The following TFEB variants were observed in gnomAD, a reference collection of about 807,000 sequenced individuals.
The protein encoded by TFEB is transcription factor EB.
A neutral mutation model predicts 48.0 loss-of-function variants in TFEB; 12 were observed. The ratio of observed to expected loss-of-function variants is 0.25; its 90% confidence interval spans 0.16 to 0.40. The LOEUF (loss-of-function observed/expected upper bound fraction) is 0.40, where lower values mean the gene tolerates loss of function less well. Among genes scored for constraint, TFEB ranks in the 10% least tolerant of loss-of-function variants. The pLI is 1.00. For synonymous variants in TFEB, 244 were observed against 261.4 expected, an observed-to-expected ratio of 0.93 and a Z score of 0.64; for missense variants, 509 against 640.3, an observed-to-expected ratio of 0.79 and a Z score of 2.21.
chr6:41,688,762 G>T (rs894407257), intron 4 of TFEB, among the ~76,000 whole-genome samples: 3 of 152,136 alleles, frequency 2.0e-5, no homozygotes, highest in Non-Finnish European at 2.9e-5. Context: ...TGTAGGTTTG[G>T]ACCCAACCAG....
At chr6:41,698,600 C>T (rs775197760) in intron 1 of TFEB, among the ~76,000 whole-genome samples, 3 of 152,318 alleles carry the variant, frequency 2.0e-5, no homozygotes, top group Non-Finnish European at 2.9e-5. Context: ...CCATTGATGA[C>T]GCTCTGCACC....
chr6:41,692,546 A>G (rs1769370472), intron 1 of TFEB, among the ~76,000 whole-genome samples: 1 of 152,192 alleles, frequency 6.6e-6, no homozygotes, highest in Non-Finnish European at 1.5e-5. Flanking sequence ...GTGTGACTTA[A>G]GCCCCCCAGC....
At chr6:41,690,142 T>A (rs1329103575) in intron 3 of TFEB, among the ~76,000 whole-genome samples, 1 of 151,898 alleles carries the variant, frequency 6.6e-6, no homozygotes, top group African/African-American at 2.4e-5. Context: ...TTTCTTTTTT[T>A]TTTTTCGAGA....
chr6:41,700,817 T>C (rs1217774483), intron 1 of TFEB, among the ~76,000 whole-genome samples: 8 of 152,120 alleles, frequency 5.3e-5, no homozygotes, highest in Admixed American at 5.2e-4. Flanking sequence ...TCAGCTCACA[T>C]CCCACAGGAA....
Position 41,688,123 on chromosome 6 carries a change from G to A in TFEB, c.550-95C>T. The A allele has an allele frequency of 3.4e-6, 5 of 1,461,434 alleles. No individual in the cohort carries two copies. The East Asian group carries it at 9.2e-5, about 27-fold the overall frequency. The allele number at this position is 1,461,434 out of a possible 1,614,324, so 90.5% of individuals were successfully genotyped here. A position where few individuals can be genotyped will look rare whatever the true frequency, so the allele number is the denominator to read the frequency against. ...TCATCCCAGGAGCAGTCCTTCCTGGGGACACCTGGAGTGTCAAAATTCACC... is the reference window on the plus strand; with the variant it reads ...TCATCCCAGGAGCAGTCCTTCCTGGAGACACCTGGAGTGTCAAAATTCACC... On this transcript the variant is annotated intron_variant, in intron 4 of 8. Coordinates refer to ENST00000373033, the MANE Select transcript of TFEB (RefSeq NM_001271944.2).
At chr6:41,694,012 T>C (rs1378460994) in intron 1 of TFEB, among the ~76,000 whole-genome samples, 1 of 63,840 alleles carries the variant, frequency 1.6e-5, no homozygotes, top group Non-Finnish European at 3.0e-5. Flanking sequence ...CCCCCCACCC[T>C]TGGGGACAAT....
At chr6:41,712,881 G>C (rs536292810) in intron 1 of TFEB, among the ~76,000 whole-genome samples, 1 of 152,208 alleles carries the variant, frequency 6.6e-6, no homozygotes, top group South Asian at 2.1e-4. Context: ...GGGTGAGCAA[G>C]CACCACCCAC....
chr6:41,723,762 G>A lies in TFEB; in HGVS notation c.-23+11588C>T, dbSNP rs57631105. ...CAATCTCACCCGCCCGGCTCCAGGC[G>A]CCCACAGCGCTCCTTGGTCCTCCCA... On this transcript the variant is annotated intron_variant, in intron 1 of 8. Transcript: ENST00000373033. This position sits in a 1 kb window ranked among gnomAD's most constrained non-coding sequence, Gnocchi z 6.0. 6,193 of 371,112 alleles carry A rather than the reference G, an allele frequency of 0.017. 334 individuals carry two copies. The highest frequency in any genetic ancestry group is 0.12 in the African/African-American group (5,543 of 47,112). The allele number at this position is 371,112 out of a possible 1,614,324, so 23.0% of individuals were successfully genotyped here.
rs562109557 is a variant in TFEB, at chr6:41,684,150, G to A, written c.*449C>T. 91 of 234,036 alleles carry A rather than the reference G, an allele frequency of 3.9e-4. No homozygotes were observed. Among genetic ancestry groups the A allele is most frequent in the Middle Eastern group, 2.6e-3 (2 of 780 alleles). 14.5% of individuals were successfully genotyped at this position (234,036 alleles called of 1,614,324 possible). ...GTGGGAGAGCCGAGGACCAGGCTGC[G>A]GGGTGGACCTCCTGCCATCTGAGTC... is the stretch of plus-strand genomic sequence containing the variant. On this transcript the variant is annotated 3_prime_UTR_variant, in exon 9 of 9. Coordinates refer to ENST00000373033, the MANE Select transcript of TFEB (RefSeq NM_001271944.2).
chr6:41,710,772 C>T (rs1359209917), intron 1 of TFEB, among the ~76,000 whole-genome samples: 1 of 152,086 alleles, frequency 6.6e-6, no homozygotes, highest in African/African-American at 2.4e-5. Context: ...CAATCTGGGC[C>T]CCCAGACCCT....
chr6:41,722,797 A>G (rs1771037699), intron 1 of TFEB, among the ~76,000 whole-genome samples: 1 of 152,212 alleles, frequency 6.6e-6, no homozygotes, highest in South Asian at 2.1e-4. Flanking sequence ...GCACACAAAC[A>G]TGCTATGTCC....
intron 1 of TFEB, among the ~76,000 whole-genome samples, chr6:41,718,837 C>T (rs768595342): frequency 1.3e-5 from 2 of 152,190 alleles, no homozygotes; most frequent in African/African-American, 2.4e-5. Context: ...GGCCCAAACA[C>T]AATCCGTTGG....
In TFEB at chr6:41,684,451, T is replaced by A; in HGVS notation, c.*148A>T. 1 of 1,036,490 alleles carries A rather than the reference T, an allele frequency of 9.6e-7. No homozygotes were observed. The highest frequency in any genetic ancestry group is 1.3e-6 in the Non-Finnish European group (1 of 769,866). 64.2% of individuals were successfully genotyped at this position (1,036,490 alleles called of 1,614,324 possible). A position where few individuals can be genotyped will look rare whatever the true frequency, so the allele number is the denominator to read the frequency against. ...ACCCCACAGGCTGCCAGACAGGCACTAAGTCCAAACAGGGGCCAACGGGGA... is the reference window on the plus strand; with the variant it reads ...ACCCCACAGGCTGCCAGACAGGCACAAAGTCCAAACAGGGGCCAACGGGGA... On this transcript the variant is annotated 3_prime_UTR_variant, in exon 9 of 9. Coordinates refer to ENST00000373033, the MANE Select transcript of TFEB (RefSeq NM_001271944.2).
chr6:41,687,698 G>A, intron 6 of TFEB, 55 bp downstream of exon 6: 2 of 1,610,842 alleles, frequency 1.2e-6, no homozygotes, highest in Admixed American at 3.3e-5. Context: ...TTTTTAGCCA[G>A]CCCAGGTGAG....
chr6:41,693,860 C>T (rs1769434609), intron 1 of TFEB, among the ~76,000 whole-genome samples: 1 of 152,134 alleles, frequency 6.6e-6, no homozygotes, highest in Admixed American at 6.5e-5. Context: ...TATGCTGCTA[C>T]AGAGGGTTAT....
chr6:41,697,041 T>A (rs1769625144), intron 1 of TFEB, among the ~76,000 whole-genome samples: 1 of 152,174 alleles, frequency 6.6e-6, no homozygotes, highest in Non-Finnish European at 1.5e-5. Flanking sequence ...TACAATAATT[T>A]GTACAGCTGC....
intron 1 of TFEB, among the ~76,000 whole-genome samples, chr6:41,710,764 A>G (rs1055660575): frequency 8.5e-5 from 13 of 152,062 alleles, no homozygotes; most frequent in African/African-American, 3.1e-4. Flanking sequence ...CGCCAACCCA[A>G]TCTGGGCCCC....
At chr6:41,716,665 C>G (rs568421900) in intron 1 of TFEB, among the ~76,000 whole-genome samples, 48 of 152,288 alleles carry the variant, frequency 3.2e-4, no homozygotes, top group Non-Finnish European at 5.3e-4. Flanking sequence ...GGAGTAGCCC[C>G]TGCCACCCCC....
intron 1 of TFEB, among the ~76,000 whole-genome samples, chr6:41,714,694 G>A (rs892785368): frequency 6.6e-6 from 1 of 152,160 alleles, no homozygotes; most frequent in Non-Finnish European, 1.5e-5. Flanking sequence ...CCCCCATCCC[G>A]AGGGTGCGGG....
Sources: allele counts gnomAD v4.1 joint callset (sites outside exome capture counted in the v4.1 genomes callset), GRCh38; gene constraint gnomAD v4.1.1; non-coding constraint Gnocchi (gnomAD v3.1); transcripts MANE v1.5; gene names NCBI Gene and HGNC (gene_info 2026-07-23, HGNC 2026-07-21).